The following UNC5D variants were observed in gnomAD, a reference collection of about 807,000 sequenced individuals.
The protein encoded by UNC5D is unc-5 netrin receptor D.
UNC5D carries 39 observed loss-of-function variants against 105.4 expected under a neutral mutation model. The ratio of observed to expected loss-of-function variants is 0.37; its 90% confidence interval spans 0.29 to 0.48. UNC5D has a LOEUF of 0.48. Among genes scored for constraint, UNC5D ranks in the 20% least tolerant of loss-of-function variants. UNC5D has a pLI of 0.98. For missense variants in UNC5D, 991 were observed against 1,202.4 expected (o/e 0.82, Z 2.60); for synonymous variants, 452 against 450.4 (o/e 1.00, Z -0.04).
chr8:35,723,816 A>G (rs1828717448), intron 9 of UNC5D, among the ~76,000 whole-genome samples: 1 of 152,170 alleles, frequency 6.6e-6, no homozygotes, highest in South Asian at 2.1e-4. Context: ...TATTAGTGTG[A>G]GAGACAGTTT....
At chr8:35,597,147 T>C (rs573279614) in intron 4 of UNC5D, among the ~76,000 whole-genome samples, 2 of 152,272 alleles carry the variant, frequency 1.3e-5, no homozygotes, top group Admixed American at 1.3e-4. Flanking sequence ...AAAACACACA[T>C]ACTTGCATAT....
intron 1 of UNC5D, among the ~76,000 whole-genome samples, chr8:35,421,884 T>C (rs1236912241): frequency 6.6e-6 from 1 of 152,216 alleles, no homozygotes; most frequent in Admixed American, 6.5e-5. Context: ...TCTACCGACC[T>C]ATTCTACAGT....
At chr8:35,673,847 T>C (rs1825008461) in intron 4 of UNC5D, among the ~76,000 whole-genome samples, 1 of 152,166 alleles carries the variant, frequency 6.6e-6, no homozygotes, top group Non-Finnish European at 1.5e-5. Flanking sequence ...CAGTCAGTCT[T>C]CTTAAACATT....
intron 1 of UNC5D, among the ~76,000 whole-genome samples, chr8:35,464,710 C>T (rs1304684204): frequency 6.6e-6 from 1 of 152,142 alleles, no homozygotes; most frequent in Non-Finnish European, 1.5e-5. Context: ...TTTCATCTAG[C>T]CTTTCTGGCC....
chr8:35,651,641 G>A (rs938413730), intron 4 of UNC5D, among the ~76,000 whole-genome samples: 2 of 152,190 alleles, frequency 1.3e-5, no homozygotes, highest in African/African-American at 4.8e-5. Context: ...CCACTAGAGA[G>A]AACCTCCATT....
rs577364249 is a variant in UNC5D, at chr8:35,674,594, A to G, written c.571-8953A>G. Among the ~76,000 whole-genome samples, 8 of 152,340 alleles carry G rather than the reference A, an allele frequency of 5.3e-5. No individual in the cohort carries two copies. The East Asian group carries it at 1.5e-3, about 29-fold the overall frequency. On this transcript the variant is annotated intron_variant, in intron 4 of 16. Transcript: ENST00000404895. Reference sequence around the variant, plus strand: ...AAGTGTTCATGAAATGCTAGATATCATTATTAGGCTGGGAAATAATCCATT... The same window carrying G: ...AAGTGTTCATGAAATGCTAGATATCGTTATTAGGCTGGGAAATAATCCATT...
intron 1 of UNC5D, among the ~76,000 whole-genome samples, chr8:35,390,200 G>A (rs1426677730): frequency 3.9e-5 from 6 of 152,092 alleles, no homozygotes; most frequent in African/African-American, 1.4e-4. Context: ...ACTATCAGGA[G>A]GACAATACCA....
intron 1 of UNC5D, among the ~76,000 whole-genome samples, chr8:35,319,268 C>A (rs1585573307): frequency 6.6e-6 from 1 of 152,082 alleles, no homozygotes; most frequent in Admixed American, 6.6e-5. Context: ...CTTCCTTCTG[C>A]CCCCCACAGG....
intron 7 of UNC5D, among the ~76,000 whole-genome samples, chr8:35,691,642 A>G (rs780133785): frequency 6.6e-6 from 1 of 152,156 alleles, no homozygotes; most frequent in Non-Finnish European, 1.5e-5. Context: ...AAAGGTAATG[A>G]TGTGGTATGA....
chr8:35,262,945 AG>A (rs1804588755), intron 1 of UNC5D, among the ~76,000 whole-genome samples: 1 of 152,184 alleles, frequency 6.6e-6, no homozygotes, highest in Non-Finnish European at 1.5e-5. Context: ...CTCCCCAAAA[AG>A]CAACAGTAGT....
Position 35,427,920 on chromosome 8 carries a change from T to G in UNC5D, c.104-121372T>G, listed in dbSNP as rs1806356336. Reference sequence around the variant, plus strand: ...GGCAGTGCATGTAAAAACTCACTGATGCAGTAGGAATGGTGACTGTATCAT... The same window carrying G: ...GGCAGTGCATGTAAAAACTCACTGAGGCAGTAGGAATGGTGACTGTATCAT... On this transcript the variant is annotated intron_variant, in intron 1 of 16. Coordinates refer to ENST00000404895, the MANE Select transcript of UNC5D (RefSeq NM_080872.4). 3.3e-5 allele frequency among the ~76,000 whole-genome samples: 5 copies of G among 152,214 alleles called. No individual in the cohort carries two copies. In the South Asian group the frequency reaches 8.3e-4, roughly 25 times the overall value.
chr8:35,545,779 CCTT>C (rs1258472948), intron 1 of UNC5D, among the ~76,000 whole-genome samples: 1 of 151,984 alleles, frequency 6.6e-6, no homozygotes, highest in Admixed American at 6.6e-5. Flanking sequence ...AAATCATTTT[CCTT>C]CTTTTCTTAT....
intron 1 of UNC5D, among the ~76,000 whole-genome samples, chr8:35,488,108 A>G (rs200292385): frequency 1.3e-5 from 2 of 152,344 alleles, no homozygotes; most frequent in East Asian, 3.9e-4. Context: ...GCCTATCTAT[A>G]TTGCAAAAAA....
chr8:35,587,339 T>C (rs1818856396), intron 3 of UNC5D, among the ~76,000 whole-genome samples: 1 of 152,192 alleles, frequency 6.6e-6, no homozygotes, highest in African/African-American at 2.4e-5. Context: ...ATGAAAGTGT[T>C]ATTTTAGCAT....
chr8:35,756,427 G>C (rs1203381491), intron 13 of UNC5D, among the ~76,000 whole-genome samples: 1 of 151,580 alleles, frequency 6.6e-6, no homozygotes, highest in Non-Finnish European at 1.5e-5. Flanking sequence ...GGACTGTGTA[G>C]ACAGTATATA....
At chr8:35,289,476 T>C (rs1806871044) in intron 1 of UNC5D, among the ~76,000 whole-genome samples, 1 of 152,174 alleles carries the variant, frequency 6.6e-6, no homozygotes, top group African/African-American at 2.4e-5. Flanking sequence ...AACACTGGAA[T>C]TGAATTGTAA....
At chr8:35,353,735 A>G (rs1160438343) in intron 1 of UNC5D, among the ~76,000 whole-genome samples, 1 of 152,182 alleles carries the variant, frequency 6.6e-6, no homozygotes. Flanking sequence ...AAAAAAATCC[A>G]AAAAAGATAG....
chr8:35,345,767 A>G (rs1398469197), intron 1 of UNC5D, among the ~76,000 whole-genome samples: 1 of 152,040 alleles, frequency 6.6e-6, no homozygotes, highest in Non-Finnish European at 1.5e-5. Context: ...AAACTCATGC[A>G]TGAAAGTGCC....
intron 7 of UNC5D, among the ~76,000 whole-genome samples, chr8:35,697,290 T>C (rs951807942): frequency 6.7e-6 from 1 of 150,262 alleles, no homozygotes; most frequent in Non-Finnish European, 1.5e-5. Flanking sequence ...CACATATATA[T>C]AATATGAAAA....
Sources: allele counts gnomAD v4.1 joint callset (sites outside exome capture counted in the v4.1 genomes callset), GRCh38; gene constraint gnomAD v4.1.1; transcripts MANE v1.5; gene names NCBI Gene and HGNC (gene_info 2026-07-23, HGNC 2026-07-21).